Variants in ACSF2 observed in about 807,000 individuals in gnomAD.
ACSF2 encodes medium-chain acyl-CoA ligase ACSF2, mitochondrial.
In ACSF2, 52 loss-of-function variants were observed where a neutral mutation model predicts 79.3. That is an observed-to-expected ratio of 0.66 (90% CI 0.53 to 0.83). The LOEUF is 0.83. Among genes scored for constraint, ACSF2 ranks in the 40% least tolerant of loss-of-function variants. The pLI, the probability that ACSF2 is intolerant of heterozygous loss-of-function variation, is 0.00. For synonymous variants in ACSF2, 283 were observed against 312.6 expected (o/e 0.91, Z 1.00); for missense variants, 661 against 803.3 (o/e 0.82, Z 2.14).
intron 10 of ACSF2, 188 bp from the exon 11 acceptor site, chr17:50,470,840 G>A: frequency 1.7e-6 from 1 of 585,468 alleles, no homozygotes; most frequent in South Asian, 2.0e-5. Flanking sequence ...CAGAGATCTA[G>A]TCTGCTCACT....
chr17:50,439,233 T>C (rs542271842), intron 1 of ACSF2, among the ~76,000 whole-genome samples: 4,771 of 111,412 alleles, frequency 0.043, 115 homozygotes, highest in South Asian at 0.076. Flanking sequence ...ACCACACAGC[T>C]TTTTTTTTTT....
chr17:50,435,117 G>A (rs1049653949), intron 1 of ACSF2, among the ~76,000 whole-genome samples: 48 of 152,262 alleles, frequency 3.2e-4, no homozygotes, highest in African/African-American at 9.1e-4. Context: ...TGATTTGCCC[G>A]TCTCGGCCTC....
At chr17:50,433,937 T>C (rs2030170174) in intron 1 of ACSF2, among the ~76,000 whole-genome samples, 3 of 151,960 alleles carry the variant, frequency 2.0e-5, no homozygotes, top group African/African-American at 7.2e-5. Flanking sequence ...CTATGTCTTC[T>C]TGAGAGAGTT....
At chr17:50,472,383 A>G (rs1411209333) in intron 11 of ACSF2, 45 bp from the exon 12 acceptor site, 1 of 1,592,742 alleles carries the variant, frequency 6.3e-7, no homozygotes, top group South Asian at 1.1e-5. Flanking sequence ...ACCTATCCTG[A>G]AGCAAGAGGA....
chr17:50,470,175 ACCTAGGATACGGGG>A (rs1288852485), intron 10 of ACSF2: 3 of 152,094 alleles, frequency 2.0e-5, no homozygotes, highest in Non-Finnish European at 4.4e-5. Context: ...ATTAAAGGGG[ACCTAGGATACGGGG>A]TAACTAGCCT....
chr17:50,463,155 G>T lies in ACSF2; in HGVS notation c.793-1G>T. On this transcript the variant is annotated splice_acceptor_variant, in intron 6 of 15. Transcript: ENST00000300441. LOFTEE classifies it high-confidence loss of function. The surrounding 1 kb of genome is among the most constrained non-coding windows in gnomAD (Gnocchi z 4.6). ...AAGCCATGCCCTGTTTGCCTTGTCA[G>T]GGGACAACAGGCAGCCCCAAGGGGG... 1.2e-6 allele frequency: 2 copies of T among 1,613,646 alleles called. No homozygotes were observed. The highest frequency in any genetic ancestry group is 1.1e-5 in the South Asian group (1 of 91,056).
chr17:50,461,436 C>G, intron 3 of ACSF2, 66 bp downstream of exon 3: 1 of 1,606,952 alleles, frequency 6.2e-7, no homozygotes, highest in Non-Finnish European at 8.5e-7. Flanking sequence ...GGGAGCCCCT[C>G]AGGCCCTCAG....
At chr17:50,453,473 G>T (rs984518813) in intron 1 of ACSF2, among the ~76,000 whole-genome samples, 16 of 152,078 alleles carry the variant, frequency 1.1e-4, no homozygotes, top group African/African-American at 3.6e-4. Flanking sequence ...CTCCCAAAAT[G>T]TTGGGGTTAC....
chr17:50,463,401 G>C lies in ACSF2; in HGVS notation c.895G>C (p.Glu299Gln), dbSNP rs765310552. The change falls in exon 8 of 16, where the codon GAG (glutamate) becomes CAG (glutamine). Residue 299 changes from glutamate (E) to glutamine (Q), a missense_variant. Transcript: ENST00000300441. This position sits in a 1 kb window ranked among gnomAD's most constrained non-coding sequence, Gnocchi z 4.6. ...CTCCTGTCTCCATCACCAGACACCA[G>C]AGCAGTTGCGGATGATCCTGCCCAA... ...ERLKLHEKTP[E>Q]QLRMILPNPL... 6.3e-5 allele frequency: 101 copies of C among 1,613,852 alleles called. No homozygotes were observed. The highest frequency in any genetic ancestry group is 8.3e-5 in the Non-Finnish European group (98 of 1,179,960).
intron 1 of ACSF2, among the ~76,000 whole-genome samples, chr17:50,446,014 A>G (rs2031276245): frequency 6.6e-6 from 1 of 152,210 alleles, no homozygotes; most frequent in African/African-American, 2.4e-5. Context: ...TCAGGAAGGA[A>G]AAGCCTATGA....
At chr17:50,466,638 CA>C (rs1384021564) in intron 10 of ACSF2, among the ~76,000 whole-genome samples, 1 of 152,222 alleles carries the variant, frequency 6.6e-6, no homozygotes, top group Non-Finnish European at 1.5e-5. Flanking sequence ...CCCACAGTCC[CA>C]GGGTCCCAGG....
intron 1 of ACSF2, among the ~76,000 whole-genome samples, chr17:50,446,372 C>T (rs1279103486): frequency 1.3e-5 from 2 of 152,114 alleles, no homozygotes; most frequent in African/African-American, 4.8e-5. Flanking sequence ...ATTCTCCTGC[C>T]TCAGCCTCCT....
At chr17:50,453,220 A>T (rs998852493) in intron 1 of ACSF2, among the ~76,000 whole-genome samples, 1 of 151,732 alleles carries the variant, frequency 6.6e-6, no homozygotes, top group African/African-American at 2.4e-5. Context: ...ACATTTTTTT[A>T]AAATTTGGGA....
intron 1 of ACSF2, among the ~76,000 whole-genome samples, chr17:50,442,619 C>G (rs2031013170): frequency 6.6e-6 from 1 of 152,090 alleles, no homozygotes; most frequent in African/African-American, 2.4e-5. Context: ...GTGCACACCA[C>G]CACACCTGGC....
intron 1 of ACSF2, among the ~76,000 whole-genome samples, chr17:50,446,759 T>C (rs4794147): frequency 0.24 from 37,024 of 152,208 alleles, 5,015 homozygotes; most frequent in Non-Finnish European, 0.31. Context: ...TTAGACAGTA[T>C]ACCTTTTAAA....
intron 1 of ACSF2, among the ~76,000 whole-genome samples, chr17:50,437,756 G>A (rs2030554145): frequency 6.6e-6 from 1 of 151,980 alleles, no homozygotes. Context: ...GGATATTGTA[G>A]ACACCCTTAG....
intron 1 of ACSF2, among the ~76,000 whole-genome samples, chr17:50,429,185 A>G (rs1915295758): frequency 6.6e-6 from 1 of 152,226 alleles, no homozygotes; most frequent in Non-Finnish European, 1.5e-5. Flanking sequence ...GACCTCGGGC[A>G]TGTTATCTAA....
chr17:50,465,647 G>A, intron 10 of ACSF2: 1 of 1,587,140 alleles, frequency 6.3e-7, no homozygotes, highest in Non-Finnish European at 8.6e-7. Flanking sequence ...CTTAGTGCAG[G>A]GCTAATGTGC....
chr17:50,465,198 T>A, intron 10 of ACSF2: 1 of 1,443,634 alleles, frequency 6.9e-7, no homozygotes, highest in Non-Finnish European at 9.5e-7. Context: ...AGGGTCTGCC[T>A]GACCCTCCAG....
Sources: gnomAD v4.1 joint callset for allele counts (sites outside exome capture counted in the v4.1 genomes callset) on GRCh38, gnomAD v4.1.1 for gene constraint, Gnocchi (gnomAD v3.1) non-coding constraint, MANE v1.5 for transcripts, NCBI Gene and HGNC (gene_info 2026-07-23, HGNC 2026-07-21) for gene names.